LYPD6B: variants seen among roughly 807,000 people sequenced by gnomAD.
LYPD6B encodes LY6/PLAUR domain containing 6B.
LYPD6B carries 17 observed loss-of-function variants against 22.8 expected under a neutral mutation model. The ratio of observed to expected loss-of-function variants is 0.75; its 90% CI spans 0.51 to 1.12. The LOEUF is 1.12. LYPD6B is among the 50% of genes most tolerant of loss of function. The pLI is 0.00. For synonymous variants in LYPD6B, 106 were observed against 91.6 expected (o/e 1.16, Z -0.90); for missense variants, 221 against 258.3 (o/e 0.86, Z 0.99).
At chr2:149,112,858 A>G (rs1050051184) in intron 1 of LYPD6B, among the ~76,000 whole-genome samples, 9 of 152,204 alleles carry the variant, frequency 5.9e-5, no homozygotes, top group Admixed American at 5.2e-4. Context: ...AATATAACTG[A>G]TGGTTATTTT....
intron 1 of LYPD6B, among the ~76,000 whole-genome samples, chr2:149,129,979 C>T (rs1337374970): frequency 6.6e-6 from 1 of 152,204 alleles, no homozygotes; most frequent in Admixed American, 6.5e-5. Context: ...CAGGTCCTCA[C>T]CTTTCGTCCA....
chr2:149,200,837 C>A (rs1453721527), intron 3 of LYPD6B: 1 of 152,174 alleles, frequency 6.6e-6, no homozygotes, highest in Non-Finnish European at 1.5e-5. Flanking sequence ...ATAAATATGC[C>A]TTGCAGAAAT....
rs1454444460 is a variant in LYPD6B, at chr2:149,120,375, A to ATT, written c.-66-10507_-66-10506insTT. 1.0e-3 allele frequency among the ~76,000 whole-genome samples: 31 copies of ATT among 30,712 alleles called. 1 individual carries two copies. Among genetic ancestry groups the ATT allele is most frequent in the Non-Finnish European group, 1.4e-3 (24 of 17,298 alleles). The allele number at this position is 30,712 out of a possible 152,430, so 20.1% of individuals were successfully genotyped here. The stretch of plus-strand genomic sequence containing the variant: ...TGTGTGTGTGTGTATATATATATAT[A>ATT]TATATATATTTTTTTTTTTTTTTTT... On this transcript the variant is annotated intron_variant, in intron 1 of 6. Transcript: ENST00000409642.
chr2:149,201,781 T>C (rs2106123010), intron 3 of LYPD6B, among the ~76,000 whole-genome samples: 1 of 152,332 alleles, frequency 6.6e-6, no homozygotes, highest in Admixed American at 6.5e-5. Flanking sequence ...TAGTTAAAAA[T>C]GGAAATGAAA....
chr2:149,166,542 G>C (rs1032384444), intron 3 of LYPD6B, among the ~76,000 whole-genome samples: 2 of 152,064 alleles, frequency 1.3e-5, no homozygotes, highest in Admixed American at 6.6e-5. Context: ...GCTATGGAGT[G>C]GGGGAGAGAC....
intron 1 of LYPD6B, among the ~76,000 whole-genome samples, chr2:149,113,600 T>C (rs149339063): frequency 6.6e-6 from 1 of 152,256 alleles, no homozygotes; most frequent in East Asian, 1.9e-4. Flanking sequence ...ACTATGCAAA[T>C]GTAAGGTGCT....
intron 3 of LYPD6B, among the ~76,000 whole-genome samples, chr2:149,190,877 G>A (rs1692442786): frequency 6.6e-6 from 1 of 151,892 alleles, no homozygotes; most frequent in Non-Finnish European, 1.5e-5. Flanking sequence ...TGAGTTTTTT[G>A]TTATACATAC....
chr2:149,211,325 GGAGTA>G (rs1427595677), intron 5 of LYPD6B, among the ~76,000 whole-genome samples: 1 of 152,094 alleles, frequency 6.6e-6, no homozygotes, highest in African/African-American at 2.4e-5. Context: ...AGTATACTGA[GGAGTA>G]GAATAATGTT....
chr2:149,048,415 C>T (rs1387400086), intron 1 of LYPD6B, among the ~76,000 whole-genome samples: 1 of 152,188 alleles, frequency 6.6e-6, no homozygotes, highest in Non-Finnish European at 1.5e-5. Context: ...AGCTGGCTTG[C>T]CAAAGGCCTT....
rs996000784 is a variant in LYPD6B at position 149,213,011 on chromosome 2, A to C, written c.348A>C (p.Thr116=). The C allele has an allele frequency of 2.5e-6, 4 of 1,613,978 alleles. No homozygotes were observed. The highest frequency in any genetic ancestry group is 3.4e-6 in the Non-Finnish European group (4 of 1,179,844). ...WCPQNTQYCL[T]VHHFTSHGRS... is the part of the protein sequence containing the mutation. ...GCCTAGATACACAGTACTGTTTGAC[A>C]GTTCATCACTTCACCAGCCACGGAA... The change falls in exon 6 of 7, where the codon ACA becomes ACC. Residue 116 remains threonine, a synonymous_variant. Coordinates refer to ENST00000409642, the MANE Select transcript of LYPD6B (RefSeq NM_177964.5).
intron 3 of LYPD6B, among the ~76,000 whole-genome samples, chr2:149,172,385 C>T (rs140841904): frequency 6.6e-6 from 1 of 152,230 alleles, no homozygotes; most frequent in Non-Finnish European, 1.5e-5. Flanking sequence ...AAGGTATCAG[C>T]AGCAGGATCT....
chr2:149,201,285 A>C (rs11894489), intron 3 of LYPD6B, among the ~76,000 whole-genome samples: 1 of 151,940 alleles, frequency 6.6e-6, no homozygotes, highest in Non-Finnish European at 1.5e-5. Flanking sequence ...ACCTGTCTTC[A>C]CATATGAAGA....
At chr2:149,059,234 T>C (rs977199228) in intron 1 of LYPD6B, among the ~76,000 whole-genome samples, 7 of 152,266 alleles carry the variant, frequency 4.6e-5, no homozygotes, top group African/African-American at 1.7e-4. Flanking sequence ...CTCTGTTCCC[T>C]GTCATGGGAA....
chr2:149,105,089 A>G (rs766644975), intron 1 of LYPD6B, among the ~76,000 whole-genome samples: 2 of 152,204 alleles, frequency 1.3e-5, no homozygotes, highest in Non-Finnish European at 2.9e-5. Flanking sequence ...TTGCTCCAGC[A>G]CCATTGCTGA....
chr2:149,057,584 G>A (rs1399805695), intron 1 of LYPD6B, among the ~76,000 whole-genome samples: 4 of 152,006 alleles, frequency 2.6e-5, no homozygotes, highest in African/African-American at 9.7e-5. Flanking sequence ...CAGTCCCTAC[G>A]ATTAAATGTT....
At chr2:149,090,118 T>C (rs1221196108) in intron 1 of LYPD6B, among the ~76,000 whole-genome samples, 4 of 152,350 alleles carry the variant, frequency 2.6e-5, no homozygotes, top group African/African-American at 9.6e-5. Flanking sequence ...TGTGTGTCTT[T>C]CCATTACTTT....
intron 3 of LYPD6B, among the ~76,000 whole-genome samples, chr2:149,162,334 T>G (rs549315317): frequency 1.3e-5 from 2 of 152,298 alleles, no homozygotes; most frequent in Admixed American, 1.3e-4. Flanking sequence ...TCTATTAATA[T>G]CCACCTTTTA....
At chr2:149,204,267 G>T (rs1025649946) in intron 3 of LYPD6B, among the ~76,000 whole-genome samples, 1 of 152,180 alleles carries the variant, frequency 6.6e-6, no homozygotes, top group Non-Finnish European at 1.5e-5. Flanking sequence ...GCTTGCCCAA[G>T]GTCAGGCAGC....
chr2:149,201,410 A>G (rs939804176), intron 3 of LYPD6B, among the ~76,000 whole-genome samples: 1 of 152,194 alleles, frequency 6.6e-6, no homozygotes, highest in Non-Finnish European at 1.5e-5. Flanking sequence ...TGTGACCTTG[A>G]TCTGCCACAA....
Sources: allele counts gnomAD v4.1 joint callset (sites outside exome capture counted in the v4.1 genomes callset), GRCh38; gene constraint gnomAD v4.1.1; transcripts MANE v1.5; gene names NCBI Gene and HGNC (gene_info 2026-07-23, HGNC 2026-07-21).